Variants in MYLK4 observed in about 807,000 individuals in gnomAD.
The protein encoded by MYLK4 is caMLCK like.
MYLK4 carries 46 observed loss-of-function variants against 48.1 expected under a neutral mutation model. The observed-to-expected ratio is 0.96, with a 90% CI of 0.75 to 1.22. MYLK4 has a LOEUF of 1.22. Ranked by LOEUF, MYLK4 falls within the 50% of genes most tolerant of loss-of-function variation. MYLK4 has a pLI of 0.00. For synonymous variants in MYLK4, 170 were observed against 180.8 expected (o/e 0.94, Z 0.48); for missense variants, 451 against 486.1 (o/e 0.93, Z 0.68).
the MYLK4 span, among the ~76,000 whole-genome samples, chr6:2,759,754 G>T: frequency 6.6e-6 from 1 of 152,086 alleles, no homozygotes; most frequent in African/African-American, 2.4e-5. Flanking sequence ...CATGATAATG[G>T]TGCTGGTTTG....
intron 6 of MYLK4, among the ~76,000 whole-genome samples, chr6:2,684,081 T>C (rs1190952361): frequency 6.6e-6 from 1 of 152,118 alleles, no homozygotes; most frequent in African/African-American, 2.4e-5. Flanking sequence ...TTAACAACAA[T>C]AACTACGAGT....
chr6:2,737,097 G>A (rs4959721), intron 2 of MYLK4, among the ~76,000 whole-genome samples: 36,617 of 152,066 alleles, frequency 0.24, 4,530 homozygotes, highest in Middle Eastern at 0.3. Context: ...GGCAGATCAC[G>A]AGGTCAAGAG....
the MYLK4 span, chr6:2,765,346 C>T: frequency 5.0e-4 from 140 of 280,178 alleles, no homozygotes; most frequent in African/African-American, 2.7e-3. Flanking sequence ...CACTTACTTA[C>T]ATGCCGCGCG....
chr6:2,687,624 C>T (rs562905349), intron 4 of MYLK4, among the ~76,000 whole-genome samples: 1 of 152,272 alleles, frequency 6.6e-6, no homozygotes, highest in Non-Finnish European at 1.5e-5. Context: ...CTGTGGAATT[C>T]CTGTTTCTCC....
chr6:2,760,362 C>T, the MYLK4 span, among the ~76,000 whole-genome samples: 1 of 152,202 alleles, frequency 6.6e-6, no homozygotes, highest in South Asian at 2.1e-4. Flanking sequence ...CCAGGCACAC[C>T]ACCCTCCCAG....
the MYLK4 span, among the ~76,000 whole-genome samples, chr6:2,763,882 C>T: frequency 2.0e-5 from 3 of 151,730 alleles, no homozygotes; most frequent in Admixed American, 6.6e-5. Flanking sequence ...CGCAGTGGCT[C>T]ATGCCTGTAA....
At chr6:2,720,144 C>T (rs927014382) in intron 2 of MYLK4, among the ~76,000 whole-genome samples, 3 of 152,026 alleles carry the variant, frequency 2.0e-5, no homozygotes, top group Non-Finnish European at 4.4e-5. Flanking sequence ...GTGGCTCACG[C>T]CTATAATCCC....
At chr6:2,705,945 A>T (rs866098609) in intron 2 of MYLK4, among the ~76,000 whole-genome samples, 23 of 151,710 alleles carry the variant, frequency 1.5e-4, no homozygotes, top group Middle Eastern at 3.2e-3. Context: ...CTTAAAGAGC[A>T]TTGTAGCCCA....
chr6:2,681,559 C>G (rs767913158), intron 7 of MYLK4, among the ~76,000 whole-genome samples: 1 of 152,132 alleles, frequency 6.6e-6, no homozygotes, highest in Non-Finnish European at 1.5e-5. Context: ...ATAAGTTAGC[C>G]TTTTTATGAC....
At chr6:2,755,164 TA>T (rs1764397401), upstream of MYLK4, among the ~76,000 whole-genome samples, 1 of 152,230 alleles carries the variant, frequency 6.6e-6, no homozygotes, top group Non-Finnish European at 1.5e-5. Context: ...TTGGATCATT[TA>T]AAAATTAATA....
chr6:2,758,978 C>T, the MYLK4 span, among the ~76,000 whole-genome samples: 1 of 152,198 alleles, frequency 6.6e-6, no homozygotes, highest in African/African-American at 2.4e-5. Flanking sequence ...AGTTTACACT[C>T]CCACCAGCAC....
chr6:2,748,007 C>G (rs1029170185), intron 2 of MYLK4, among the ~76,000 whole-genome samples: 1 of 152,192 alleles, frequency 6.6e-6, no homozygotes, highest in South Asian at 2.1e-4. Flanking sequence ...TTCTTATTCA[C>G]TTACAATAAA....
the MYLK4 span, among the ~76,000 whole-genome samples, chr6:2,763,496 G>A: frequency 2.6e-5 from 4 of 152,222 alleles, no homozygotes; most frequent in East Asian, 1.9e-4. Flanking sequence ...ACGGCCTGGC[G>A]AGAAGTGCTG....
the MYLK4 span, among the ~76,000 whole-genome samples, chr6:2,757,139 C>CTTT: frequency 1.7e-3 from 248 of 144,282 alleles, 1 homozygote; most frequent in Middle Eastern, 7.2e-3. Flanking sequence ...CAGAGGTGTG[C>CTTT]TTTTTTTTTT....
At chr6:2,700,004 C>T (rs1360818317) in intron 2 of MYLK4, among the ~76,000 whole-genome samples, 1 of 152,204 alleles carries the variant, frequency 6.6e-6, no homozygotes, top group Non-Finnish European at 1.5e-5. Context: ...ACCTATGTGG[C>T]CACAGTGAGT....
intron 2 of MYLK4, among the ~76,000 whole-genome samples, chr6:2,695,514 T>G (rs996258097): frequency 2.0e-5 from 3 of 152,242 alleles, no homozygotes; most frequent in Non-Finnish European, 4.4e-5. Flanking sequence ...TTGAGGAATA[T>G]AAGAAGCCAG....
At chr6:2,681,157 T>C (rs1402947950) in intron 7 of MYLK4, among the ~76,000 whole-genome samples, 1 of 152,216 alleles carries the variant, frequency 6.6e-6, no homozygotes, top group Non-Finnish European at 1.5e-5. Flanking sequence ...CTTTACAAGC[T>C]GGAGGGCACC....
At chr6:2,686,779 G>T (rs888932436) in intron 4 of MYLK4, among the ~76,000 whole-genome samples, 1 of 152,314 alleles carries the variant, frequency 6.6e-6, no homozygotes, top group South Asian at 2.1e-4. Flanking sequence ...ACGTAGCCAC[G>T]GCGTGACTTC....
the MYLK4 span, chr6:2,765,530 C>T: frequency 7.7e-7 from 1 of 1,304,784 alleles, no homozygotes; most frequent in South Asian, 2.1e-5. Context: ...GCGAGGGTCT[C>T]GCGGCGCGGG....
Sources: allele counts gnomAD v4.1 joint callset (sites outside exome capture counted in the v4.1 genomes callset), GRCh38; gene constraint gnomAD v4.1.1; transcripts MANE v1.5; gene names NCBI Gene and HGNC (gene_info 2026-07-23, HGNC 2026-07-21).